CEP170: variants seen among roughly 807,000 people sequenced by gnomAD.
CEP170 encodes the protein centrosomal protein of 170 kDa.
In CEP170, 21 loss-of-function variants were observed where a neutral mutation model predicts 151.9. That is an observed-to-expected ratio of 0.14 (90% CI 0.10 to 0.20). The LOEUF (loss-of-function observed/expected upper bound fraction) is 0.20, where lower values mean the gene tolerates loss of function less well. Among genes scored for constraint, CEP170 ranks in the 10% least tolerant of loss-of-function variants. CEP170 has a pLI of 1.00. For synonymous variants in CEP170, 356 were observed against 648.8 expected, an observed-to-expected ratio of 0.55 and a Z score of 6.86; for missense variants, 964 against 1,892.9, an observed-to-expected ratio of 0.51 and a Z score of 9.11.
chr1:243,244,107 C>T (rs909155947), intron 1 of CEP170, among the ~76,000 whole-genome samples: 1 of 152,080 alleles, frequency 6.6e-6, no homozygotes, highest in Admixed American at 6.5e-5. Context: ...TAGTTAAACA[C>T]ACACAAATAC....
At chr1:243,159,469 G>A (rs1223364574) in intron 13 of CEP170, among the ~76,000 whole-genome samples, 1 of 152,160 alleles carries the variant, frequency 6.6e-6, no homozygotes, top group African/African-American at 2.4e-5. Context: ...AACTATAGCA[G>A]CTACCTAACC....
At chr1:243,182,659 T>C (rs955473456) in intron 10 of CEP170, among the ~76,000 whole-genome samples, 1 of 152,180 alleles carries the variant, frequency 6.6e-6, no homozygotes, top group African/African-American at 2.4e-5. Flanking sequence ...TCTCATCTCT[T>C]CAAAAGTAAC....
intron 6 of CEP170, among the ~76,000 whole-genome samples, 200 bp downstream of exon 6, chr1:243,200,318 A>C (rs1259716184): frequency 6.6e-6 from 1 of 152,106 alleles, no homozygotes; most frequent in Non-Finnish European, 1.5e-5. Context: ...CATATTAAGC[A>C]CACCTATATA....
chr1:243,152,673 A>G (rs1190780613), intron 14 of CEP170, among the ~76,000 whole-genome samples: 2 of 151,034 alleles, frequency 1.3e-5, no homozygotes, highest in African/African-American at 4.9e-5. Context: ...CTGGGACTAC[A>G]GGCACGTACC....
At chr1:243,189,279 A>G (rs1413774639) in intron 8 of CEP170, among the ~76,000 whole-genome samples, 4 of 152,168 alleles carry the variant, frequency 2.6e-5, no homozygotes, top group Non-Finnish European at 5.9e-5. Context: ...GATACAGGCC[A>G]GGCGCGGTGG....
intron 4 of CEP170, among the ~76,000 whole-genome samples, chr1:243,205,156 T>C (rs2061325463): frequency 6.6e-6 from 1 of 152,120 alleles, no homozygotes; most frequent in South Asian, 2.1e-4. Context: ...TCAACATTAC[T>C]GGAATTCCCA....
intron 3 of CEP170, among the ~76,000 whole-genome samples, chr1:243,219,021 A>G (rs570529739): frequency 9.8e-5 from 15 of 152,348 alleles, no homozygotes. Flanking sequence ...ATAATAGTCT[A>G]CAAGTTCTCT....
At chr1:243,255,762 G>A (rs531282698), upstream of CEP170, among the ~76,000 whole-genome samples, 1 of 152,332 alleles carries the variant, frequency 6.6e-6, no homozygotes, top group African/African-American at 2.4e-5. Flanking sequence ...TCTGTCATTT[G>A]GGTGGTCCAG....
intron 1 of CEP170, among the ~76,000 whole-genome samples, chr1:243,225,848 T>C (rs1403801212): frequency 6.6e-6 from 1 of 151,962 alleles, no homozygotes; most frequent in Non-Finnish European, 1.5e-5. Flanking sequence ...TCCTCACATG[T>C]ACTTTATTGT....
chr1:243,221,238 T>A (rs2062790294), intron 3 of CEP170, among the ~76,000 whole-genome samples: 3 of 152,224 alleles, frequency 2.0e-5, no homozygotes, highest in Non-Finnish European at 2.9e-5. Context: ...TTAGCCAGGA[T>A]GGTCTGGATC....
At chr1:243,217,428 C>T (rs1050580651) in intron 3 of CEP170, among the ~76,000 whole-genome samples, 1 of 152,120 alleles carries the variant, frequency 6.6e-6, no homozygotes, top group African/African-American at 2.4e-5. Context: ...CCTAGAAGAT[C>T]CATTTAAGTT....
chr1:243,186,898 T>C (rs2059971820), intron 8 of CEP170, among the ~76,000 whole-genome samples: 1 of 152,214 alleles, frequency 6.6e-6, no homozygotes, highest in Admixed American at 6.5e-5. Context: ...ATGTGATGAA[T>C]CTTAAGCTTC....
intron 10 of CEP170, among the ~76,000 whole-genome samples, chr1:243,180,142 A>C (rs750097098): frequency 6.6e-6 from 1 of 152,248 alleles, no homozygotes; most frequent in Non-Finnish European, 1.5e-5. Context: ...GATGGAAGGA[A>C]TAAATAAAAT....
intron 10 of CEP170, among the ~76,000 whole-genome samples, chr1:243,183,666 T>G (rs1169020815): frequency 6.6e-6 from 1 of 152,158 alleles, no homozygotes; most frequent in Admixed American, 6.5e-5. Context: ...GATAATGTAG[T>G]GAGCTTTGTT....
chr1:243,126,118 T>A lies in CEP170; in HGVS notation c.*331A>T, dbSNP rs979742675. On this transcript the variant is annotated 3_prime_UTR_variant, in exon 20 of 20. Transcript: ENST00000366542. ...AGAAATGTTGGCTATTTAGTTTGCTTGTAGGTCACAGCATGGCTTAAAAAA... is the reference window on the plus strand; with the variant it reads ...AGAAATGTTGGCTATTTAGTTTGCTAGTAGGTCACAGCATGGCTTAAAAAA... 2 of 464,872 alleles carry A rather than the reference T, an allele frequency of 4.3e-6. No individual in the cohort carries two copies. The highest frequency in any genetic ancestry group is 4.0e-5 in the African/African-American group (2 of 50,428). The allele number at this position is 464,872 out of a possible 1,614,324, so 28.8% of individuals were successfully genotyped here. A position where few individuals can be genotyped will look rare whatever the true frequency, so the allele number is the denominator to read the frequency against.
intron 1 of CEP170, among the ~76,000 whole-genome samples, chr1:243,233,873 ATAAG>A (rs1304279115): frequency 6.6e-6 from 1 of 151,988 alleles, no homozygotes. Flanking sequence ...ACAGGCAATA[ATAAG>A]TAAGTGCACT....
chr1:243,208,176 A>G (rs548914085), intron 4 of CEP170, among the ~76,000 whole-genome samples: 1 of 152,230 alleles, frequency 6.6e-6, no homozygotes, highest in East Asian at 1.9e-4. Flanking sequence ...AAATATACAC[A>G]GAATCCTTTC....
At position 243,246,226 on chromosome 1, in the gene CEP170, C is replaced by CTTTTT. The variant is rs774096892; in HGVS notation, c.-42+8809_-42+8813dup. Among the ~76,000 whole-genome samples the CTTTTT allele has an allele frequency of 5.8e-3, 638 of 109,436 alleles. 29 individuals carry two copies. The highest frequency in any genetic ancestry group is 0.023 in the African/African-American group (607 of 25,962). 71.8% of individuals were successfully genotyped at this position (109,436 alleles called of 152,430 possible). On this transcript the variant is annotated intron_variant, in intron 1 of 19. Transcript: ENST00000366542. ...GAAATGTCCATTACAGTGTTGTTTACTTTTTTTTTTTTTTTTTTTTTTTGA... is the reference window on the plus strand; with the variant it reads ...GAAATGTCCATTACAGTGTTGTTTACTTTTTTTTTTTTTTTTTTTTTTTTTTTTGA...
intron 10 of CEP170, among the ~76,000 whole-genome samples, chr1:243,178,755 G>A (rs906195314): frequency 6.7e-6 from 1 of 149,050 alleles, no homozygotes; most frequent in African/African-American, 2.5e-5. Context: ...GTCTTGCTCT[G>A]TCACCCAGGC....
Sources: allele counts gnomAD v4.1 joint callset (sites outside exome capture counted in the v4.1 genomes callset), GRCh38; gene constraint gnomAD v4.1.1; transcripts MANE v1.5; gene names NCBI Gene and HGNC (gene_info 2026-07-23, HGNC 2026-07-21).